CNTN1: variants seen among roughly 807,000 people sequenced by gnomAD.
CNTN1 encodes contactin 1.
CNTN1 carries 38 observed loss-of-function variants against 126.4 expected under a neutral mutation model. The ratio of observed to expected loss-of-function variants is 0.30; its 90% CI spans 0.23 to 0.39. The LOEUF is 0.39. Among genes scored for constraint, CNTN1 ranks in the 10% least tolerant of loss-of-function variants. CNTN1 has a pLI of 1.00. For missense variants in CNTN1, 1,009 were observed against 1,248.4 expected (o/e 0.81, Z 2.89); for synonymous variants, 413 against 422.6 (o/e 0.98, Z 0.28).
At chr12:40,924,760 T>C (rs565254543) in intron 6 of CNTN1, 108 bp downstream of exon 6, 13 of 701,110 alleles carry the variant, frequency 1.9e-5, no homozygotes, top group African/African-American at 1.6e-4. Context: ...TTATTATTAA[T>C]TAAATGAGAC....
intron 16 of CNTN1, among the ~76,000 whole-genome samples, chr12:40,990,990 C>T (rs536468265): frequency 3.9e-5 from 6 of 152,308 alleles, no homozygotes; most frequent in African/African-American, 1.2e-4. Context: ...TATAAACTCA[C>T]AAATAGCTCC....
intron 19 of CNTN1, among the ~76,000 whole-genome samples, chr12:41,018,357 T>C (rs1672012464): frequency 6.6e-6 from 1 of 152,032 alleles, no homozygotes; most frequent in Admixed American, 6.5e-5. Context: ...CACTCCAAGA[T>C]AGACATTTAG....
chr12:40,971,533 C>G (rs1947511668), intron 15 of CNTN1: 2 of 1,590,116 alleles, frequency 1.3e-6, no homozygotes, highest in Admixed American at 3.4e-5. Flanking sequence ...CTCACCATTT[C>G]TGTGAAAGAC....
chr12:40,914,359 G>A lies in CNTN1; in HGVS notation c.94+4254G>A, dbSNP rs151041257. On this transcript the variant is annotated intron_variant, in intron 3 of 23. Coordinates refer to ENST00000551295, the MANE Select transcript of CNTN1 (RefSeq NM_001843.4). ...AAGGTACAGCCTGCGAGGGAGACAT[G>A]AGGATCATATTCAAGAGGTTCATGC... Among the ~76,000 whole-genome samples, 431 of 152,284 alleles carry A rather than the reference G, an allele frequency of 2.8e-3. 3 individuals are homozygous for A. The highest frequency in any genetic ancestry group is 9.9e-3 in the African/African-American group (412 of 41,566).
chr12:40,816,585 A>G (rs370541939), intron 1 of CNTN1, among the ~76,000 whole-genome samples: 14 of 151,144 alleles, frequency 9.3e-5, no homozygotes, highest in East Asian at 5.8e-4. Flanking sequence ...ATTTTTTTCA[A>G]AAAAACATCC....
At chr12:40,958,672 G>C (rs942185645) in intron 14 of CNTN1, among the ~76,000 whole-genome samples, 9 of 152,122 alleles carry the variant, frequency 5.9e-5, no homozygotes, top group Non-Finnish European at 1.0e-4. Context: ...TTTGTAAAAT[G>C]AACTGTGGCA....
chr12:40,768,091 TACA>T (rs1314960614), intron 1 of CNTN1, among the ~76,000 whole-genome samples: 1 of 152,264 alleles, frequency 6.6e-6, no homozygotes, highest in African/African-American at 2.4e-5. Context: ...AGATTGGCTT[TACA>T]ACGTTACTCA....
At chr12:40,925,609 GTA>G (rs1176511554) in intron 6 of CNTN1, among the ~76,000 whole-genome samples, 27 of 140,596 alleles carry the variant, frequency 1.9e-4, no homozygotes, top group East Asian at 6.2e-4. Flanking sequence ...ATATATACGT[GTA>G]TATATATATA....
intron 1 of CNTN1, among the ~76,000 whole-genome samples, chr12:40,697,012 G>GTT (rs1480523363): frequency 6.6e-6 from 1 of 152,036 alleles, no homozygotes; most frequent in Non-Finnish European, 1.5e-5. Context: ...CTATCCATGT[G>GTT]TTTTTTGGCT....
At chr12:40,709,959 G>T (rs371359617) in intron 1 of CNTN1, among the ~76,000 whole-genome samples, 1 of 152,066 alleles carries the variant, frequency 6.6e-6, no homozygotes, top group Admixed American at 6.6e-5. Flanking sequence ...ATTTTTTCAA[G>T]AATTTTTCCT....
chr12:41,030,160 T>C (rs939843790), intron 23 of CNTN1, among the ~76,000 whole-genome samples: 4 of 151,656 alleles, frequency 2.6e-5, no homozygotes, highest in Non-Finnish European at 4.4e-5. Flanking sequence ...ACCCCTGAAC[T>C]TAAAATAAAA....
At chr12:40,848,235 T>C (rs901960640) in intron 1 of CNTN1, among the ~76,000 whole-genome samples, 1 of 152,242 alleles carries the variant, frequency 6.6e-6, no homozygotes, top group Non-Finnish European at 1.5e-5. Context: ...TAAGGATTCA[T>C]GTATAAAGAA....
chr12:40,880,187 C>T (rs1198609545), intron 1 of CNTN1, among the ~76,000 whole-genome samples: 1 of 151,988 alleles, frequency 6.6e-6, no homozygotes. Context: ...ATAGTGGATA[C>T]ATACTATGAG....
rs180674623 is a variant in CNTN1 at position 41,052,894 on chromosome 12, A to G, written c.2981-17065A>G. On this transcript the variant is annotated intron_variant, in intron 23 of 23. Coordinates refer to ENST00000551295, the MANE Select transcript of CNTN1 (RefSeq NM_001843.4). ...AATTCTTGAAATATTATTTAAAGTTATAAAGAATGCATCTAAAATGTGAGA... is the reference window on the plus strand; with the variant it reads ...AATTCTTGAAATATTATTTAAAGTTGTAAAGAATGCATCTAAAATGTGAGA... Among the ~76,000 whole-genome samples, 684 of 152,110 alleles carry G rather than the reference A, an allele frequency of 4.5e-3. 4 individuals carry two copies. The highest frequency in any genetic ancestry group is 4.1e-3 in the Non-Finnish European group (279 of 67,920).
chr12:40,945,542 G>A (rs892157605), intron 14 of CNTN1, among the ~76,000 whole-genome samples: 1 of 151,904 alleles, frequency 6.6e-6, no homozygotes, highest in Non-Finnish European at 1.5e-5. Flanking sequence ...CTGCAATGAA[G>A]TCTATGTAAA....
intron 15 of CNTN1, among the ~76,000 whole-genome samples, chr12:40,978,531 A>C (rs1313141313): frequency 6.6e-6 from 1 of 152,168 alleles, no homozygotes; most frequent in Non-Finnish European, 1.5e-5. Flanking sequence ...AATTATAATA[A>C]ATTTATTTAT....
intron 16 of CNTN1, among the ~76,000 whole-genome samples, chr12:40,982,436 GAAA>G (rs1947844038): frequency 6.6e-6 from 1 of 152,074 alleles, no homozygotes; most frequent in Admixed American, 6.6e-5. Flanking sequence ...GTTTGGCCCT[GAAA>G]AAAGAAATAC....
chr12:40,971,422 T>C (rs1294203830), intron 15 of CNTN1: 1 of 1,592,718 alleles, frequency 6.3e-7, no homozygotes, highest in East Asian at 2.2e-5. Flanking sequence ...GCCTTGATCT[T>C]TCCTCTTGCA....
rs551667849 is a variant in CNTN1, at chr12:40,938,128, T to C, written c.1228+441T>C. On this transcript the variant is annotated intron_variant, in intron 11 of 23. Transcript: ENST00000551295. ...TACATAGTTACGGATGATTGTAATG[T>C]GTTGAAATATATGGATGAAATCTGC... Among the ~76,000 whole-genome samples, 3 of 152,324 alleles carry C rather than the reference T, an allele frequency of 2.0e-5. No individual in the cohort carries two copies. In the South Asian group the frequency reaches 6.2e-4, roughly 32 times the overall value.
Sources: allele counts gnomAD v4.1 joint callset (sites outside exome capture counted in the v4.1 genomes callset), GRCh38; gene constraint gnomAD v4.1.1; transcripts MANE v1.5; gene names NCBI Gene and HGNC (gene_info 2026-07-23, HGNC 2026-07-21).